Variants in GRIP1 observed in about 807,000 individuals in gnomAD.
GRIP1 encodes glutamate receptor interacting protein 1, also known as glutamate receptor-interacting protein 1.
A neutral mutation model predicts 129.9 loss-of-function variants in GRIP1; 45 were observed. The observed-to-expected ratio is 0.35, with a 90% CI of 0.27 to 0.44. The LOEUF (loss-of-function observed/expected upper bound fraction) is 0.44. Ranked by LOEUF, GRIP1 falls within the 20% of genes least tolerant of loss-of-function variation. The pLI is 1.00. For synonymous variants in GRIP1, 530 were observed against 520.8 expected (o/e 1.02, Z -0.24); for missense variants, 1,196 against 1,396.8 (o/e 0.86, Z 2.29).
At chr12:66,985,814 TTGTAGATCC>T (rs2042303274) in intron 1 of GRIP1, among the ~76,000 whole-genome samples, 1 of 152,208 alleles carries the variant, frequency 6.6e-6, no homozygotes, top group Admixed American at 6.5e-5. Flanking sequence ...GGCATGTCGT[TTGTAGATCC>T]TTCACTGAGG....
intron 13 of GRIP1, among the ~76,000 whole-genome samples, chr12:66,432,985 T>C (rs1405825387): frequency 6.6e-6 from 1 of 152,176 alleles, no homozygotes; most frequent in Admixed American, 6.5e-5. Context: ...GATCTCTAGG[T>C]GAATCTCAGG....
chr12:66,517,746 T>C (rs1054245835), intron 6 of GRIP1, among the ~76,000 whole-genome samples, 155 bp downstream of exon 6: 1 of 152,158 alleles, frequency 6.6e-6, no homozygotes, highest in African/African-American at 2.4e-5. Context: ...TTTTTTTTTC[T>C]GATTCCATAG....
intron 8 of GRIP1, among the ~76,000 whole-genome samples, chr12:66,464,545 A>T (rs905669591): frequency 5.3e-5 from 8 of 152,228 alleles, no homozygotes; most frequent in Non-Finnish European, 1.2e-4. Flanking sequence ...GCAGGATTTA[A>T]TTGTCAACAA....
intron 1 of GRIP1, among the ~76,000 whole-genome samples, chr12:67,022,244 A>G (rs1278604965): frequency 1.3e-5 from 2 of 151,958 alleles, no homozygotes; most frequent in African/African-American, 2.4e-5. Context: ...TGTTTTTGCA[A>G]TTTTTTGAGG....
chr12:66,498,397 G>A (rs575495733), intron 7 of GRIP1, among the ~76,000 whole-genome samples: 2 of 152,168 alleles, frequency 1.3e-5, no homozygotes, highest in African/African-American at 2.4e-5. Context: ...TCATATAAAC[G>A]TTGTGTTAAA....
intron 4 of GRIP1, among the ~76,000 whole-genome samples, chr12:66,532,012 C>T (rs1035135336): frequency 6.6e-6 from 1 of 152,120 alleles, no homozygotes; most frequent in Non-Finnish European, 1.5e-5. Flanking sequence ...CAAAGTACTG[C>T]AATTTTGATT....
rs1458145182 is a variant in GRIP1 at position 66,526,971 on chromosome 12, A to G, written c.502+2860T>C. ...CAGAGAAATGCAAATCAAAACCAGA[A>G]GGAGATACCATCTCATACCAGTTAG... On this transcript the variant is annotated intron_variant, in intron 5 of 24. Coordinates refer to ENST00000359742, the MANE Select transcript of GRIP1 (RefSeq NM_001366722.1). Among the ~76,000 whole-genome samples, 9 of 137,496 alleles carry G rather than the reference A, an allele frequency of 6.5e-5. 2 individuals are homozygous for G. The highest frequency in any genetic ancestry group is 1.3e-4 in the Non-Finnish European group (8 of 62,382). The allele number at this position is 137,496 out of a possible 152,430, so 90.2% of individuals were successfully genotyped here.
intron 23 of GRIP1, among the ~76,000 whole-genome samples, chr12:66,371,092 T>A (rs1320340200): frequency 6.6e-6 from 1 of 151,962 alleles, no homozygotes; most frequent in East Asian, 1.9e-4. Context: ...AATAATAAAC[T>A]AATTATGCAA....
chr12:66,807,543 G>A (rs186760336), upstream of GRIP1, among the ~76,000 whole-genome samples: 179 of 152,140 alleles, frequency 1.2e-3, no homozygotes, highest in African/African-American at 3.9e-3. Flanking sequence ...GCATGGTGGC[G>A]GGCGCCTGTA....
chr12:66,444,837 T>C, intron 12 of GRIP1, 108 bp from the exon 13 acceptor site: 1 of 1,152,152 alleles, frequency 8.7e-7, no homozygotes. Flanking sequence ...CATAATTTGG[T>C]CTTGCTTATT....
At chr12:67,045,055 T>C (rs1419493653) in intron 1 of GRIP1, among the ~76,000 whole-genome samples, 2 of 152,166 alleles carry the variant, frequency 1.3e-5, no homozygotes, top group African/African-American at 4.8e-5. Flanking sequence ...TGAATGGAAG[T>C]AGGTCATCTC....
intron 1 of GRIP1, among the ~76,000 whole-genome samples, chr12:66,727,016 C>T (rs2036276768): frequency 6.6e-6 from 1 of 152,168 alleles, no homozygotes; most frequent in Non-Finnish European, 1.5e-5. Context: ...AAAATCTCTC[C>T]TTCTAAATAC....
At chr12:66,554,770 C>G (rs2062263539) in intron 2 of GRIP1, among the ~76,000 whole-genome samples, 1 of 152,078 alleles carries the variant, frequency 6.6e-6, no homozygotes, top group Non-Finnish European at 1.5e-5. Context: ...TTCCCCATGG[C>G]ACACTGGAGG....
chr12:66,464,840 G>A (rs74499387), intron 8 of GRIP1, among the ~76,000 whole-genome samples: 3 of 151,176 alleles, frequency 2.0e-5, no homozygotes, highest in Non-Finnish European at 4.4e-5. Flanking sequence ...GTGTGTGTAT[G>A]TGTATATGCA....
chr12:66,799,034 G>A lies in GRIP1; in HGVS notation c.-420+5019C>T, dbSNP rs367904269. 7.0e-4 allele frequency among the ~76,000 whole-genome samples: 106 copies of A among 152,256 alleles called. 2 individuals are homozygous for A. Among genetic ancestry groups the A allele is most frequent in the Middle Eastern group, 3.4e-3 (1 of 294 alleles). ...AGGACCAGACCCAATAAGGGAGTCT[G>A]GCTGCTATTCCCAGTTCCACGACAA... is the stretch of plus-strand genomic sequence containing the variant. On this transcript the variant is annotated intron_variant, in intron 1 of 4. Transcript: ENST00000538373.
intron 1 of GRIP1, among the ~76,000 whole-genome samples, chr12:66,815,093 C>A (rs2039182451): frequency 6.6e-6 from 1 of 152,120 alleles, no homozygotes; most frequent in Admixed American, 6.6e-5. Flanking sequence ...TATTTATATC[C>A]TTTATATGCA....
intron 1 of GRIP1, among the ~76,000 whole-genome samples, chr12:66,781,877 A>G (rs2038172229): frequency 6.6e-6 from 1 of 152,236 alleles, no homozygotes; most frequent in African/African-American, 2.4e-5. Flanking sequence ...AATATCTATC[A>G]AAGCTGAACA....
rs931854835 is a variant in GRIP1, at chr12:66,737,406, C to A, written c.-420+66647G>T. ...TCAAGAAATTCTGCTGCCTCAACCT[C>A]CTGAGTAGCTGGAATTACAGGCGTG... On this transcript the variant is annotated intron_variant, in intron 1 of 4. Transcript: ENST00000538373. Among the ~76,000 whole-genome samples, 5 of 152,118 alleles carry A rather than the reference C, an allele frequency of 3.3e-5. 1 individual carries two copies. Among genetic ancestry groups the A allele is most frequent in the African/African-American group, 1.2e-4 (5 of 41,420 alleles).
intron 1 of GRIP1, among the ~76,000 whole-genome samples, chr12:67,007,788 G>A (rs191961485): frequency 1.3e-5 from 2 of 152,120 alleles, no homozygotes; most frequent in Non-Finnish European, 2.9e-5. Flanking sequence ...TTGCACAATC[G>A]ATGCCTTTGA....
Sources: gnomAD v4.1 joint callset for allele counts (sites outside exome capture counted in the v4.1 genomes callset) on GRCh38, gnomAD v4.1.1 for gene constraint, MANE v1.5 for transcripts, NCBI Gene and HGNC (gene_info 2026-07-23, HGNC 2026-07-21) for gene names.